The following ALK variants were observed in gnomAD, a reference collection of about 807,000 sequenced individuals.
ALK encodes ALK tyrosine kinase receptor.
In ALK, 74 loss-of-function variants were observed where a neutral mutation model predicts 163.1. The observed-to-expected ratio is 0.45, with a 90% CI of 0.38 to 0.55. The LOEUF is 0.55. Ranked by LOEUF, ALK falls within the 20% of genes least tolerant of loss-of-function variation. ALK has a pLI of 0.00. For synonymous variants in ALK, 960 were observed against 843.2 expected, an observed-to-expected ratio of 1.14 and a Z score of -2.40; for missense variants, 2,063 against 2,105.3, an observed-to-expected ratio of 0.98 and a Z score of 0.39.
Position 29,759,807 on chromosome 2 carries a change from C to T in ALK, c.668-42110G>A, listed in dbSNP as rs115036962. ...AAGATTAATAGGTCACTGCTTCCAA[C>T]GTCGAAAGCCATTGTCACATTAATT... is the stretch of plus-strand genomic sequence containing the variant. On this transcript the variant is annotated intron_variant, in intron 1 of 28. Coordinates refer to ENST00000389048, the MANE Select transcript of ALK (RefSeq NM_004304.5). Among the ~76,000 whole-genome samples the T allele has an allele frequency of 6.5e-3, 987 of 152,276 alleles. 13 individuals carry two copies. Among genetic ancestry groups the T allele is most frequent in the African/African-American group, 0.022 (929 of 41,542 alleles).
intron 26 of ALK, among the ~76,000 whole-genome samples, chr2:29,200,818 C>CAT (rs1553389177): frequency 5.0e-5 from 2 of 40,354 alleles, no homozygotes; most frequent in Non-Finnish European, 1.2e-4. Context: ...TGTGTATATA[C>CAT]ATATATACGT....
intron 1 of ALK, among the ~76,000 whole-genome samples, chr2:29,849,898 TTTAGTATTC>T (rs1665946213): frequency 6.6e-6 from 1 of 152,170 alleles, no homozygotes; most frequent in Non-Finnish European, 1.5e-5. Flanking sequence ...CAATTTTTCA[TTTAGTATTC>T]TTTTTTTATT....
chr2:29,882,727 T>G (rs888715950), intron 1 of ALK, among the ~76,000 whole-genome samples: 1 of 152,170 alleles, frequency 6.6e-6, no homozygotes, highest in African/African-American at 2.4e-5. Context: ...AGGCATCACT[T>G]CACCTGGCTT....
At position 29,889,515 on chromosome 2, in the gene ALK, G is replaced by GGATA. The variant is rs769685640; in HGVS notation, c.667+30474_667+30477dup. Among the ~76,000 whole-genome samples, 1,159 of 151,710 alleles carry GGATA rather than the reference G, an allele frequency of 7.6e-3. 14 individuals are homozygous for GGATA. Among genetic ancestry groups the GGATA allele is most frequent in the African/African-American group, 0.021 (862 of 41,324 alleles). On this transcript the variant is annotated intron_variant, in intron 1 of 28. Transcript: ENST00000389048. The stretch of plus-strand genomic sequence containing the variant: ...TCCTTTAAATAATAGATGGATGGAT[G>GGATA]GATAGATAGATAGATAGATAGATAG...
intron 1 of ALK, among the ~76,000 whole-genome samples, chr2:29,793,290 C>A (rs1206098878): frequency 1.3e-5 from 2 of 152,142 alleles, no homozygotes; most frequent in East Asian, 3.8e-4. Context: ...AATTCTAGTT[C>A]TCTTGCTATT....
At chr2:29,536,561 A>C (rs1673261490) in intron 3 of ALK, among the ~76,000 whole-genome samples, 1 of 152,192 alleles carries the variant, frequency 6.6e-6, no homozygotes, top group African/African-American at 2.4e-5. Flanking sequence ...ACAGTGACAC[A>C]AGCATGGACT....
rs1054321629 is a variant in ALK, at chr2:29,589,334, A to G, written c.953-57218T>C. 2.6e-5 allele frequency among the ~76,000 whole-genome samples: 4 copies of G among 152,294 alleles called. No homozygotes were observed. The East Asian group carries it at 5.8e-4, about 22-fold the overall frequency. On this transcript the variant is annotated intron_variant, in intron 3 of 28. Coordinates refer to ENST00000389048, the MANE Select transcript of ALK (RefSeq NM_004304.5). ...TCACAGGCAGGACAAATTGCCGTGA[A>G]TATACCAGAGCTGTGTGACCCGTGA...
chr2:29,721,356 G>C (rs894220371), intron 1 of ALK, among the ~76,000 whole-genome samples: 4 of 152,106 alleles, frequency 2.6e-5, no homozygotes, highest in African/African-American at 7.2e-5. Context: ...TGGGAGAAGA[G>C]GGGTGGAGGA....
At chr2:29,345,349 T>C (rs560825964) in intron 5 of ALK, among the ~76,000 whole-genome samples, 2 of 151,964 alleles carry the variant, frequency 1.3e-5, no homozygotes, top group African/African-American at 2.4e-5. Context: ...GTCGAGCCTG[T>C]AGTGAGTTGT....
At chr2:29,665,362 C>G (rs1258169349) in intron 3 of ALK, among the ~76,000 whole-genome samples, 1 of 152,002 alleles carries the variant, frequency 6.6e-6, no homozygotes, top group East Asian at 1.9e-4. Flanking sequence ...TGATGTTACT[C>G]TGAGCCTACT....
intron 3 of ALK, among the ~76,000 whole-genome samples, chr2:29,602,105 CA>C (rs796856606): frequency 2.0e-5 from 3 of 152,248 alleles, no homozygotes; most frequent in Admixed American, 6.5e-5. Context: ...GAAAGCTGAG[CA>C]AACTCGATAT....
chr2:29,535,480 T>G (rs1673228152), intron 3 of ALK, among the ~76,000 whole-genome samples: 1 of 152,192 alleles, frequency 6.6e-6, no homozygotes, highest in Non-Finnish European at 1.5e-5. Flanking sequence ...TTTAAACACT[T>G]TAAATATTAA....
intron 1 of ALK, among the ~76,000 whole-genome samples, chr2:29,869,547 T>C (rs1198105248): frequency 6.6e-6 from 1 of 152,116 alleles, no homozygotes; most frequent in Admixed American, 6.5e-5. Context: ...ACTGGAACAA[T>C]TGGTTAACTA....
rs141682952 is a variant in ALK at position 29,588,140 on chromosome 2, C to A, written c.953-56024G>T. ...GGGACTGTGTCCGTTTATGCAGTGA[C>A]CCCTTTCACTCTCAAGAACGTCTCC... On this transcript the variant is annotated intron_variant, in intron 3 of 28. Transcript: ENST00000389048. Among the ~76,000 whole-genome samples, 46 of 152,252 alleles carry A rather than the reference C, an allele frequency of 3.0e-4. 1 individual carries two copies. The highest frequency in any genetic ancestry group is 1.1e-3 in the African/African-American group (46 of 41,542).
intron 3 of ALK, among the ~76,000 whole-genome samples, chr2:29,597,924 G>C (rs1675261660): frequency 6.6e-6 from 1 of 152,180 alleles, no homozygotes; most frequent in African/African-American, 2.4e-5. Flanking sequence ...GTGGGCCACT[G>C]CCAGCATCTG....
intron 2 of ALK, among the ~76,000 whole-genome samples, chr2:29,715,432 G>A (rs1342601287): frequency 6.6e-6 from 1 of 152,194 alleles, no homozygotes; most frequent in Non-Finnish European, 1.5e-5. Flanking sequence ...GCCCTAAGGT[G>A]GCATGCCATT....
At chr2:29,559,499 C>T (rs944163101) in intron 3 of ALK, among the ~76,000 whole-genome samples, 2 of 152,162 alleles carry the variant, frequency 1.3e-5, no homozygotes, top group Non-Finnish European at 2.9e-5. Context: ...CCTTGTCTCT[C>T]CACATTCTTA....
chr2:29,394,523 A>G (rs1669256890), intron 4 of ALK, among the ~76,000 whole-genome samples: 1 of 152,198 alleles, frequency 6.6e-6, no homozygotes, highest in Admixed American at 6.5e-5. Context: ...AATTCTGGGC[A>G]GGGGAAGTGA....
intron 6 of ALK, among the ~76,000 whole-genome samples, chr2:29,326,619 T>C (rs10201381): frequency 0.35 from 52,513 of 152,054 alleles, 10,591 homozygotes; most frequent in African/African-American, 0.55. Context: ...CAGAACAGGG[T>C]AAGCAAAGCC....
Sources: gnomAD v4.1 joint callset for allele counts (sites outside exome capture counted in the v4.1 genomes callset) on GRCh38, gnomAD v4.1.1 for gene constraint, MANE v1.5 for transcripts, NCBI Gene and HGNC (gene_info 2026-07-23, HGNC 2026-07-21) for gene names.